Variants in EIF2B2 observed in about 807,000 individuals in gnomAD.
EIF2B2 encodes the protein eukaryotic translation initiation factor 2B subunit beta.
In EIF2B2, 34 loss-of-function variants were observed where a neutral mutation model predicts 34.7. The observed-to-expected ratio is 0.98, with a 90% CI of 0.75 to 1.31. The LOEUF is 1.31. EIF2B2 is among the 50% of genes most tolerant of loss of function. EIF2B2 has a pLI of 0.00. For synonymous variants in EIF2B2, 155 were observed against 171.6 expected, an observed-to-expected ratio of 0.90 and a Z score of 0.76; for missense variants, 361 against 447.7, an observed-to-expected ratio of 0.81 and a Z score of 1.75.
At chr14:75,003,444 CACGGGCCCCTCT>C in intron 2 of EIF2B2, 49 bp downstream of exon 2, 1 of 1,613,958 alleles carries the variant, frequency 6.2e-7, no homozygotes, top group East Asian at 2.2e-5. Context: ...ACACTTTTTG[CACGGGCCCCTCT>C]ACCTGCTCGG....
At chr14:75,005,391 A>AG (rs1889612717) in intron 4 of EIF2B2, among the ~76,000 whole-genome samples, 1 of 151,872 alleles carries the variant, frequency 6.6e-6, no homozygotes. Flanking sequence ...AAAAAAAAAA[A>AG]GATGGCGAGC....
In EIF2B2 at chr14:75,012,273, AC is replaced by A. The variant is rs1477957477; in HGVS notation, c.*3086del. Reference sequence around the variant, plus strand: ...AACTCGGAAAAAAACAAACAAAAAAACAACTGTTGTAGCTTGGAGAGAATTA... The same window carrying A: ...AACTCGGAAAAAAACAAACAAAAAAAAACTGTTGTAGCTTGGAGAGAATTA... On this transcript the variant is annotated 3_prime_UTR_variant, in exon 8 of 8. Transcript: ENST00000266126. 1.3e-5 allele frequency: 2 copies of A among 152,212 alleles called. No individual in the cohort carries two copies. The highest frequency in any genetic ancestry group is 2.9e-5 in the Non-Finnish European group (2 of 68,050). The allele number at this position is 152,212 out of a possible 1,614,324, so 9.4% of individuals were successfully genotyped here.
chr14:75,006,727 GTC>G lies in EIF2B2; in HGVS notation c.831+17_831+18del, dbSNP rs1889631625. 1.2e-6 allele frequency: 2 copies of G among 1,613,962 alleles called. No individual in the cohort carries two copies. The highest frequency in any genetic ancestry group is 2.7e-5 in the African/African-American group (2 of 74,926). ...ACTTTCTCCACAGGTAAGTGTGTCT[GTC>G]TCTAGCTAGAAGCCAGCAGAAAAGA... is the stretch of plus-strand genomic sequence containing the variant. On this transcript the variant is annotated intron_variant, in intron 6 of 7. Transcript: ENST00000266126. The surrounding 1 kb of genome is among the most constrained non-coding windows in gnomAD (Gnocchi z 4.1).
At position 75,009,787 on chromosome 14, in the gene EIF2B2, T is replaced by TGAGGCTTGTTG. The variant is rs951587984; in HGVS notation, c.*604_*605insTTGTTGGAGGC. ...GTGGGAGGCTTGTTTGAGGCTTGTT[T>TGAGGCTTGTTG]GAGGCCTGGAGTTTGAGATTAGCCT... On this transcript the variant is annotated 3_prime_UTR_variant, in exon 8 of 8. Coordinates refer to ENST00000266126, the MANE Select transcript of EIF2B2 (RefSeq NM_014239.4). 1.3e-5 allele frequency: 2 copies of TGAGGCTTGTTG among 156,198 alleles called. No homozygotes were observed. Among genetic ancestry groups the TGAGGCTTGTTG allele is most frequent in the African/African-American group, 4.8e-5 (2 of 41,300 alleles). The allele number at this position is 156,198 out of a possible 1,614,324, so 9.7% of individuals were successfully genotyped here.
At chr14:75,005,623 T>C (rs1889615983) in intron 4 of EIF2B2, among the ~76,000 whole-genome samples, 1 of 152,202 alleles carries the variant, frequency 6.6e-6, no homozygotes, top group Non-Finnish European at 1.5e-5. Flanking sequence ...ATTTCCAGTT[T>C]TATGGCTGCT....
intron 7 of EIF2B2, chr14:75,008,402 A>AAGAAAT (rs1262385141): frequency 8.0e-5 from 14 of 175,324 alleles, no homozygotes; most frequent in Non-Finnish European, 1.1e-4. Flanking sequence ...TTCAATCTTC[A>AAGAAAT]AGAAATAGTT....
At chr14:75,008,081 TATAGA>T in intron 7 of EIF2B2, 1 of 371,366 alleles carries the variant, frequency 2.7e-6, no homozygotes, top group South Asian at 2.6e-5. Context: ...CTGTTTGAGA[TATAGA>T]CAACAACCAG....
Position 75,006,216 on chromosome 14 carries a change from G to A in EIF2B2, c.693+255G>A, listed in dbSNP as rs946901599. ...AGTATTAAATAGAACTAAGGCAAGA[G>A]TGTCAGTTTCTAGGGATTGGCTACA... On this transcript the variant is annotated intron_variant, in intron 5 of 7. Transcript: ENST00000266126. This position sits in a 1 kb window ranked among gnomAD's most constrained non-coding sequence, Gnocchi z 4.1. 4 of 517,542 alleles carry A rather than the reference G, an allele frequency of 7.7e-6. No individual in the cohort carries two copies. Among genetic ancestry groups the A allele is most frequent in the East Asian group, 7.2e-5 (2 of 27,620 alleles). The allele number at this position is 517,542 out of a possible 1,614,324, so 32.1% of individuals were successfully genotyped here.
chr14:75,004,249 T>C (rs753482745), intron 3 of EIF2B2, among the ~76,000 whole-genome samples: 1 of 152,216 alleles, frequency 6.6e-6, no homozygotes, highest in Non-Finnish European at 1.5e-5. Context: ...CTCAGCACTT[T>C]AGGATTTCCC....
intron 5 of EIF2B2, 36 bp downstream of exon 5, chr14:75,005,997 A>G (rs768195205): frequency 3.2e-5 from 49 of 1,517,382 alleles, no homozygotes; most frequent in Middle Eastern, 3.4e-4. Context: ...ATTCATGAAG[A>G]TTATGTTTCT....
In EIF2B2 at chr14:75,006,999, T is replaced by C. The variant is rs1390606254; in HGVS notation, c.831+285T>C. 1 of 562,966 alleles carries C rather than the reference T, an allele frequency of 1.8e-6. No homozygotes were observed. The highest frequency in any genetic ancestry group is 1.9e-5 in the African/African-American group (1 of 53,994). 34.9% of individuals were successfully genotyped at this position (562,966 alleles called of 1,614,324 possible). A position where few individuals can be genotyped will look rare whatever the true frequency, so the allele number is the denominator to read the frequency against. ...GCCACCACTCCCTGTCGCCTGACCA[T>C]TTCTGAAAATGCCAAGCAGGTTGAA... On this transcript the variant is annotated intron_variant, in intron 6 of 7. Coordinates refer to ENST00000266126, the MANE Select transcript of EIF2B2 (RefSeq NM_014239.4). This position sits in a 1 kb window ranked among gnomAD's most constrained non-coding sequence, Gnocchi z 4.1.
intron 4 of EIF2B2, 52 bp from the exon 5 acceptor site, chr14:75,005,814 T>TTCACTATTTC: frequency 7.2e-7 from 1 of 1,389,520 alleles, no homozygotes. Context: ...GAGAGCACTT[T>TTCACTATTTC]TCACTATTTC....
rs989766497 is a variant in EIF2B2 at position 75,006,293 on chromosome 14, A to G, written c.694-284A>G. ...TTGGCAGTTGTGGATAGTGAATGAA[A>G]AAGATTCCTGGCTTCTCAGAAGGTA... is the stretch of plus-strand genomic sequence containing the variant. On this transcript the variant is annotated intron_variant, in intron 5 of 7. Coordinates refer to ENST00000266126, the MANE Select transcript of EIF2B2 (RefSeq NM_014239.4). This position sits in a 1 kb window ranked among gnomAD's most constrained non-coding sequence, Gnocchi z 4.1. 6 of 552,662 alleles carry G rather than the reference A, an allele frequency of 1.1e-5. No homozygotes were observed. The African/African-American group carries it at 1.1e-4, about 10-fold the overall frequency. 34.2% of individuals were successfully genotyped at this position (552,662 alleles called of 1,614,324 possible).
chr14:75,005,863 C>T lies in EIF2B2; in HGVS notation c.598-3C>T. On this transcript the variant is annotated splice_region_variant and splice_polypyrimidine_tract_variant and intron_variant, in intron 4 of 7. Coordinates refer to ENST00000266126, the MANE Select transcript of EIF2B2 (RefSeq NM_014239.4). ...TAGAATCAGCCTTTCCCTCCCATTGCAGGGTCATGAAATGGCTGTGAATTT... is the reference window on the plus strand; with the variant it reads ...TAGAATCAGCCTTTCCCTCCCATTGTAGGGTCATGAAATGGCTGTGAATTT... 2 of 1,611,312 alleles carry T rather than the reference C, an allele frequency of 1.2e-6. No homozygotes were observed. The highest frequency in any genetic ancestry group is 1.7e-6 in the Non-Finnish European group (2 of 1,177,644).
intron 6 of EIF2B2, chr14:75,007,304 A>G: frequency 2.8e-6 from 1 of 358,160 alleles, no homozygotes; most frequent in South Asian, 2.2e-5. Flanking sequence ...ACTGTAGAAA[A>G]ACACCCTGTA....
intron 7 of EIF2B2, 31 bp downstream of exon 7, chr14:75,007,819 T>C: frequency 6.2e-7 from 1 of 1,608,332 alleles, no homozygotes; most frequent in Non-Finnish European, 8.5e-7. Context: ...TGCGTGCATG[T>C]GTTGTGTGTA....
At position 75,009,301 on chromosome 14, in the gene EIF2B2, T is replaced by TA. The variant is rs878922788; in HGVS notation, c.*123dup. ...ATGTGGGAGTGCACAGGAGTCCACC[T>TA]AAAAAAAAAATCCTTGATACTGTTG... On this transcript the variant is annotated 3_prime_UTR_variant, in exon 8 of 8. Transcript: ENST00000266126. 2.9e-3 allele frequency: 3,492 copies of TA among 1,221,718 alleles called. No homozygotes were observed. Among genetic ancestry groups the TA allele is most frequent in the Non-Finnish European group, 3.4e-3 (2,956 of 866,978 alleles). The allele number at this position is 1,221,718 out of a possible 1,614,324, so 75.7% of individuals were successfully genotyped here.
In EIF2B2 at chr14:75,009,089, G is replaced by T; in HGVS notation, c.957G>T (p.Glu319Asp). Residue 319 changes from glutamate (E) to aspartate (D), a missense_variant, in exon 8 of 8, where the codon GAG becomes GAT. Coordinates refer to ENST00000266126, the MANE Select transcript of EIF2B2 (RefSeq NM_014239.4). ...HCPVFDYVPP[E>D]LITLFISNIG... ...CTGTGTTTGACTACGTTCCCCCAGA[G>T]CTCATTACCCTCTTTATCTCCAACA... 1 of 1,614,120 alleles carries T rather than the reference G, an allele frequency of 6.2e-7. No homozygotes were observed. Among genetic ancestry groups the T allele is most frequent in the Non-Finnish European group, 8.5e-7 (1 of 1,180,016 alleles).
At position 75,006,906 on chromosome 14, in the gene EIF2B2, C is replaced by T. The variant is rs1889634107; in HGVS notation, c.831+192C>T. ...CAGTAAAACAGTTGAGAGTTCTCAGCTGTCAACTTTAGGAAGTCAAGATTG... is the reference window on the plus strand; with the variant it reads ...CAGTAAAACAGTTGAGAGTTCTCAGTTGTCAACTTTAGGAAGTCAAGATTG... On this transcript the variant is annotated intron_variant, in intron 6 of 7. Coordinates refer to ENST00000266126, the MANE Select transcript of EIF2B2 (RefSeq NM_014239.4). The surrounding 1 kb of genome is among the most constrained non-coding windows in gnomAD (Gnocchi z 4.1). The T allele has an allele frequency of 2.3e-6, 2 of 862,558 alleles. No individual in the cohort carries two copies. The highest frequency in any genetic ancestry group is 3.8e-6 in the Non-Finnish European group (2 of 527,258). The allele number at this position is 862,558 out of a possible 1,614,324, so 53.4% of individuals were successfully genotyped here.
Sources: allele counts gnomAD v4.1 joint callset (sites outside exome capture counted in the v4.1 genomes callset), GRCh38; gene constraint gnomAD v4.1.1; non-coding constraint Gnocchi (gnomAD v3.1); transcripts MANE v1.5; gene names NCBI Gene and HGNC (gene_info 2026-07-23, HGNC 2026-07-21).